RUNDC3B: variants seen among roughly 807,000 people sequenced by gnomAD.
RUNDC3B encodes RUN domain-containing protein 3B.
Under a neutral mutation model 58.4 loss-of-function variants are expected in RUNDC3B, and 33 were observed. The ratio of observed to expected loss-of-function variants is 0.56; its 90% confidence interval spans 0.43 to 0.75. The LOEUF (loss-of-function observed/expected upper bound fraction) is 0.75. Ranked by LOEUF, RUNDC3B falls within the 30% of genes least tolerant of loss-of-function variation. The pLI is 0.00. For synonymous variants in RUNDC3B, 193 were observed against 195.2 expected (o/e 0.99, Z 0.10); for missense variants, 501 against 535.7 (o/e 0.94, Z 0.64).
At chr7:87,796,369 A>C (rs1444736489) in intron 8 of RUNDC3B, among the ~76,000 whole-genome samples, 1 of 152,192 alleles carries the variant, frequency 6.6e-6, no homozygotes, top group Admixed American at 6.6e-5. Flanking sequence ...CAATAAAAAT[A>C]ATTAGAATGA....
chr7:87,633,359 A>G (rs925085713), intron 1 of RUNDC3B, among the ~76,000 whole-genome samples: 2 of 152,228 alleles, frequency 1.3e-5, no homozygotes, highest in South Asian at 2.1e-4. Flanking sequence ...AAGACTATAC[A>G]TAGAATAATG....
intron 1 of RUNDC3B, among the ~76,000 whole-genome samples, chr7:87,631,578 A>G (rs1230461792): frequency 6.6e-6 from 1 of 152,122 alleles, no homozygotes; most frequent in African/African-American, 2.4e-5. Context: ...TTTGTTTAGT[A>G]GAGACGGGGT....
intron 9 of RUNDC3B, among the ~76,000 whole-genome samples, chr7:87,812,056 T>A (rs1250177609): frequency 1.3e-5 from 2 of 152,220 alleles, no homozygotes; most frequent in Admixed American, 1.3e-4. Flanking sequence ...AAATTATTAT[T>A]AACCTTAACA....
At chr7:87,705,160 C>T (rs189464106) in intron 3 of RUNDC3B, among the ~76,000 whole-genome samples, 2 of 152,350 alleles carry the variant, frequency 1.3e-5, no homozygotes, top group Non-Finnish European at 2.9e-5. Context: ...CGTGGTGGCT[C>T]ATGCCTGTAA....
chr7:87,820,074 C>G (rs1157542451), intron 10 of RUNDC3B, among the ~76,000 whole-genome samples: 1 of 152,106 alleles, frequency 6.6e-6, no homozygotes, highest in Non-Finnish European at 1.5e-5. Flanking sequence ...ACAAAAAACC[C>G]TTCAAAAAAT....
chr7:87,717,098 A>C (rs1048561929), intron 4 of RUNDC3B, among the ~76,000 whole-genome samples: 7 of 152,144 alleles, frequency 4.6e-5, no homozygotes, highest in Non-Finnish European at 1.0e-4. Flanking sequence ...TGCCTGGCCT[A>C]CTTCTATCAT....
At chr7:87,762,472 A>C (rs566824534) in intron 6 of RUNDC3B, among the ~76,000 whole-genome samples, 1 of 151,308 alleles carries the variant, frequency 6.6e-6, no homozygotes, top group South Asian at 2.1e-4. Flanking sequence ...CCTTTCTTGT[A>C]TTGTCTGCTT....
chr7:87,693,002 C>T (rs909816314), intron 2 of RUNDC3B, among the ~76,000 whole-genome samples: 1 of 152,008 alleles, frequency 6.6e-6, no homozygotes, highest in African/African-American at 2.4e-5. Flanking sequence ...ATTACTAGCT[C>T]TATGTGTTTG....
At chr7:87,738,149 A>G (rs1357233766) in intron 4 of RUNDC3B, among the ~76,000 whole-genome samples, 1 of 152,050 alleles carries the variant, frequency 6.6e-6, no homozygotes, top group East Asian at 1.9e-4. Context: ...AAAAAACAAG[A>G]TTCTTTTCCA....
chr7:87,712,419 C>A (rs992456718), intron 4 of RUNDC3B, among the ~76,000 whole-genome samples: 1 of 151,940 alleles, frequency 6.6e-6, no homozygotes, highest in Non-Finnish European at 1.5e-5. Context: ...GTATCAGAAT[C>A]GAGTAGCTCA....
chr7:87,735,238 A>G (rs1344917725), intron 4 of RUNDC3B, among the ~76,000 whole-genome samples: 1 of 152,166 alleles, frequency 6.6e-6, no homozygotes, highest in Non-Finnish European at 1.5e-5. Flanking sequence ...TTAATCCATA[A>G]GCAAGTCTTA....
At chr7:87,800,625 C>T (rs563044897) in intron 8 of RUNDC3B, among the ~76,000 whole-genome samples, 1 of 151,696 alleles carries the variant, frequency 6.6e-6, no homozygotes, top group South Asian at 2.1e-4. Context: ...GTAGAAACAT[C>T]CTCATTTCTC....
At chr7:87,702,165 A>C (rs868335449) in intron 3 of RUNDC3B, among the ~76,000 whole-genome samples, 5 of 149,908 alleles carry the variant, frequency 3.3e-5, no homozygotes, top group African/African-American at 7.4e-5. Flanking sequence ...AAAAAAAAAA[A>C]AAAAAAACAG....
intron 6 of RUNDC3B, among the ~76,000 whole-genome samples, chr7:87,766,325 A>G (rs1452545514): frequency 6.6e-6 from 1 of 152,028 alleles, no homozygotes; most frequent in Non-Finnish European, 1.5e-5. Context: ...CAATTGTGTA[A>G]TTGCTTTATC....
intron 9 of RUNDC3B, among the ~76,000 whole-genome samples, chr7:87,812,975 A>C (rs1157047567): frequency 3.7e-4 from 56 of 152,346 alleles, no homozygotes; most frequent in Non-Finnish European, 4.4e-5. Context: ...GAGGAAACCA[A>C]ACCCATTCTT....
At position 87,657,975 on chromosome 7, in the gene RUNDC3B, T is replaced by C. The variant is rs28746496; in HGVS notation, c.238+7038T>C. Among the ~76,000 whole-genome samples the C allele has an allele frequency of 2.9e-3, 444 of 152,256 alleles. 3 individuals carry two copies. Among genetic ancestry groups the C allele is most frequent in the African/African-American group, 0.01 (421 of 41,558 alleles). The stretch of plus-strand genomic sequence containing the variant: ...GGTTTAAATAAGATCCAGAGTTTCA[T>C]AACATAATATAAATATGTCCAGCTT... On this transcript the variant is annotated intron_variant, in intron 2 of 10. Transcript: ENST00000394654.
intron 2 of RUNDC3B, among the ~76,000 whole-genome samples, chr7:87,681,933 G>A (rs966834467): frequency 1.3e-5 from 2 of 152,178 alleles, no homozygotes; most frequent in African/African-American, 4.8e-5. Context: ...TTATTTGGTA[G>A]CGTTCTACCC....
At chr7:87,695,671 T>C (rs1299265521) in intron 2 of RUNDC3B, among the ~76,000 whole-genome samples, 2 of 152,106 alleles carry the variant, frequency 1.3e-5, no homozygotes, top group African/African-American at 2.4e-5. Flanking sequence ...GCACTATTAC[T>C]AAAGATGGGG....
chr7:87,656,155 A>G (rs1027438460), intron 2 of RUNDC3B, among the ~76,000 whole-genome samples: 3 of 152,170 alleles, frequency 2.0e-5, no homozygotes, highest in African/African-American at 7.2e-5. Context: ...GTGAGGTAAT[A>G]TGTATATTAA....
Sources: gnomAD v4.1 joint callset for allele counts (sites outside exome capture counted in the v4.1 genomes callset) on GRCh38, gnomAD v4.1.1 for gene constraint, MANE v1.5 for transcripts, NCBI Gene and HGNC (gene_info 2026-07-23, HGNC 2026-07-21) for gene names.